C8orf34: variants seen among roughly 807,000 people sequenced by gnomAD.
C8orf34 encodes the protein chromosome 8 open reading frame 34.
C8orf34 carries 65 observed loss-of-function variants against 68.3 expected under a neutral mutation model. The ratio of observed to expected loss-of-function variants is 0.95; its 90% CI spans 0.78 to 1.17. The LOEUF is 1.17. C8orf34 is among the 50% of genes most tolerant of loss of function. The pLI is 0.00. For synonymous variants in C8orf34, 244 were observed against 241.2 expected (o/e 1.01, Z -0.11); for missense variants, 664 against 655.4 (o/e 1.01, Z -0.14).
chr8:68,629,276 G>A (rs2380485), intron 7 of C8orf34, among the ~76,000 whole-genome samples: 5 of 152,050 alleles, frequency 3.3e-5, no homozygotes, highest in African/African-American at 1.2e-4. Flanking sequence ...CTTGAAGATA[G>A]CTGTATCTCA....
At chr8:68,562,477 A>G (rs750672853) in intron 7 of C8orf34, among the ~76,000 whole-genome samples, 1 of 152,188 alleles carries the variant, frequency 6.6e-6, no homozygotes, top group Non-Finnish European at 1.5e-5. Context: ...GACACCATTT[A>G]TCAACCTCTG....
intron 9 of C8orf34, among the ~76,000 whole-genome samples, chr8:68,715,874 A>G (rs1821457841): frequency 6.6e-6 from 1 of 152,238 alleles, no homozygotes; most frequent in South Asian, 2.1e-4. Context: ...ATAAATGTTT[A>G]TAACAGCATA....
At chr8:68,637,895 C>G (rs1818892683) in intron 7 of C8orf34, among the ~76,000 whole-genome samples, 1 of 152,026 alleles carries the variant, frequency 6.6e-6, no homozygotes, top group Non-Finnish European at 1.5e-5. Context: ...ATCCAGCAAT[C>G]AATGAGCTTG....
At chr8:68,340,553 ACT>A (rs1806027738) in intron 1 of C8orf34, among the ~76,000 whole-genome samples, 1 of 152,234 alleles carries the variant, frequency 6.6e-6, no homozygotes, top group Admixed American at 6.5e-5. Flanking sequence ...ACTAGGGATG[ACT>A]CTATGCACAT....
At chr8:68,530,235 T>C (rs939801993) in intron 6 of C8orf34, among the ~76,000 whole-genome samples, 1 of 152,058 alleles carries the variant, frequency 6.6e-6, no homozygotes, top group African/African-American at 2.4e-5. Context: ...TTATTAAATA[T>C]ATTGGAAGTA....
At chr8:68,669,309 C>T (rs575490548) in intron 8 of C8orf34, among the ~76,000 whole-genome samples, 1 of 152,162 alleles carries the variant, frequency 6.6e-6, no homozygotes, top group East Asian at 1.9e-4. Flanking sequence ...TCTGTACCTC[C>T]TTTTCAATTT....
intron 1 of C8orf34, among the ~76,000 whole-genome samples, chr8:68,358,835 G>A (rs188293918): frequency 1.3e-5 from 2 of 151,682 alleles, no homozygotes; most frequent in East Asian, 3.9e-4. Flanking sequence ...CCTCCTGAGT[G>A]TACAGGTGTG....
intron 1 of C8orf34, among the ~76,000 whole-genome samples, chr8:68,353,623 T>C (rs7823422): frequency 0.41 from 59,554 of 145,996 alleles, 12,287 homozygotes; most frequent in Non-Finnish European, 0.45. Flanking sequence ...TATATACAGT[T>C]GATTATATAT....
intron 9 of C8orf34, among the ~76,000 whole-genome samples, chr8:68,719,287 G>T (rs770524149): frequency 3.3e-5 from 5 of 151,894 alleles, no homozygotes; most frequent in Admixed American, 3.3e-4. Flanking sequence ...AAATGTTCTG[G>T]CAGTACTTAT....
intron 9 of C8orf34, among the ~76,000 whole-genome samples, chr8:68,719,438 T>TATAA (rs1324528126): frequency 6.6e-6 from 1 of 152,056 alleles, no homozygotes; most frequent in Non-Finnish European, 1.5e-5. Flanking sequence ...ACTTTTGCTT[T>TATAA]ATAAATGTTC....
At chr8:68,516,263 A>G (rs534689766) in intron 5 of C8orf34, among the ~76,000 whole-genome samples, 3 of 152,192 alleles carry the variant, frequency 2.0e-5, no homozygotes, top group African/African-American at 7.2e-5. Flanking sequence ...ACTGTTTTTC[A>G]TTCTTGAGGA....
chr8:68,490,045 C>T lies in C8orf34; in HGVS notation c.765+1994C>T, dbSNP rs562576285. On this transcript the variant is annotated intron_variant, in intron 5 of 13. Coordinates refer to ENST00000518698, the MANE Select transcript of C8orf34 (RefSeq NM_052958.4). ...TGCATAAGTGGTAGGCATGGCTTTC[C>T]GGCCTTGTTCTGCTTTTCTAGTCCC... 1.5e-3 allele frequency among the ~76,000 whole-genome samples: 228 copies of T among 152,260 alleles called. 1 individual carries two copies. The highest frequency in any genetic ancestry group is 2.2e-3 in the Non-Finnish European group (151 of 68,036).
At chr8:68,581,873 T>G (rs950356195) in intron 7 of C8orf34, among the ~76,000 whole-genome samples, 2 of 152,106 alleles carry the variant, frequency 1.3e-5, no homozygotes, top group African/African-American at 4.8e-5. Context: ...CATCCAGAAT[T>G]CTAGATGCAA....
intron 6 of C8orf34, among the ~76,000 whole-genome samples, chr8:68,527,258 T>C (rs1052191136): frequency 5.9e-5 from 9 of 152,108 alleles, no homozygotes; most frequent in Non-Finnish European, 1.2e-4. Context: ...TTGTAACCCA[T>C]TTCATCCTTA....
At chr8:68,426,523 A>T (rs1810227513) in intron 1 of C8orf34, among the ~76,000 whole-genome samples, 1 of 145,900 alleles carries the variant, frequency 6.9e-6, no homozygotes, top group African/African-American at 2.7e-5. Context: ...TGTCTCAAAA[A>T]AAAAAAAAAA....
At chr8:68,712,291 G>T (rs1395519234) in intron 9 of C8orf34, among the ~76,000 whole-genome samples, 1 of 151,854 alleles carries the variant, frequency 6.6e-6, no homozygotes, top group Non-Finnish European at 1.5e-5. Flanking sequence ...AAAAAACTTG[G>T]GTATTCAGGC....
chr8:68,642,570 AG>A (rs1255906743), intron 8 of C8orf34, among the ~76,000 whole-genome samples: 1 of 152,236 alleles, frequency 6.6e-6, no homozygotes, highest in Non-Finnish European at 1.5e-5. Flanking sequence ...AACAATAACC[AG>A]GGTATTAGCA....
At chr8:68,738,387 C>T (rs1279963785) in intron 10 of C8orf34, among the ~76,000 whole-genome samples, 1 of 151,768 alleles carries the variant, frequency 6.6e-6, no homozygotes, top group Non-Finnish European at 1.5e-5. Context: ...GCAAATAGAA[C>T]AACTAGAGAA....
intron 12 of C8orf34, among the ~76,000 whole-genome samples, chr8:68,798,357 C>T (rs1044777719): frequency 3.5e-5 from 5 of 144,638 alleles, no homozygotes; most frequent in Non-Finnish European, 6.0e-5. Flanking sequence ...TGTGCAGTGG[C>T]GTGATCACAG....
Sources: allele counts gnomAD v4.1 joint callset (sites outside exome capture counted in the v4.1 genomes callset), GRCh38; gene constraint gnomAD v4.1.1; transcripts MANE v1.5; gene names NCBI Gene and HGNC (gene_info 2026-07-23, HGNC 2026-07-21).